YPEL4: variants seen among roughly 807,000 people sequenced by gnomAD.
The protein encoded by YPEL4 is protein yippee-like 4.
A neutral mutation model predicts 16.3 loss-of-function variants in YPEL4; 5 were observed. The ratio of observed to expected loss-of-function variants is 0.31; its 90% CI spans 0.16 to 0.64. The LOEUF (loss-of-function observed/expected upper bound fraction) is 0.64. YPEL4 is among the 30% of genes least tolerant of loss of function. YPEL4 has a pLI of 0.79. For missense variants in YPEL4, 127 were observed against 170.0 expected (o/e 0.75, Z 1.41); for synonymous variants, 61 against 60.7 (o/e 1.00, Z -0.02).
intron 3 of YPEL4, 125 bp from the exon 4 acceptor site, chr11:57,646,530 C>T (rs1334266104): frequency 1.6e-6 from 2 of 1,238,736 alleles, no homozygotes; most frequent in African/African-American, 3.0e-5. Flanking sequence ...ATAATCCACC[C>T]CTTTAAGACT....
At position 57,647,021 on chromosome 11, in the gene YPEL4, G is replaced by GT; in HGVS notation, c.86dup (p.Tyr29Ter). The change falls in exon 2 of 5, where the codon TAC becomes TAAC. Residue 29 changes from tyrosine (Y) to a stop codon, truncating the protein, a stop_gained and frameshift_variant. Coordinates refer to ENST00000300022, the MANE Select transcript of YPEL4 (RefSeq NM_145008.3). LOFTEE classifies it high-confidence loss of function. The surrounding 1 kb of genome is among the most constrained non-coding windows in gnomAD (Gnocchi z 4.2). ...RSYLPRCHRT[Y>*]SCVHCRAHLA... ...GGTGTGCACGGCAGTGGACACAGCT[G>GT]TAAGTGCGGTGACAGCGGGGCAGAT... is the stretch of plus-strand genomic sequence containing the variant. 6.3e-7 allele frequency: 1 copy of GT among 1,599,496 alleles called. No homozygotes were observed. Among genetic ancestry groups the GT allele is most frequent in the Non-Finnish European group, 8.5e-7 (1 of 1,174,186 alleles).
chr11:57,649,284 G>C (rs1358410368), intron 1 of YPEL4: 2 of 139,482 alleles, frequency 1.4e-5, no homozygotes, highest in African/African-American at 2.6e-5. Context: ...CTTCTCAGGG[G>C]GGAAAAGAAA....
intron 2 of YPEL4, 36 bp downstream of exon 2, chr11:57,646,931 G>C (rs1286920247): frequency 2.5e-6 from 4 of 1,570,368 alleles, no homozygotes; most frequent in Non-Finnish European, 3.5e-6. Context: ...CCTGGTGCGC[G>C]AGAGGAGGGG....
intron 4 of YPEL4, 110 bp downstream of exon 4, chr11:57,646,187 C>T (rs1370710831): frequency 6.6e-7 from 1 of 1,523,254 alleles, no homozygotes; most frequent in East Asian, 2.2e-5. Context: ...GTGACTAGTT[C>T]TTTCTTTCCT....
At position 57,646,812 on chromosome 11, in the gene YPEL4, A is replaced by G. The variant is rs367803621; in HGVS notation, c.142-18T>C. 9.9e-6 allele frequency: 16 copies of G among 1,613,764 alleles called. No homozygotes were observed. The African/African-American group carries it at 1.3e-4, about 13-fold the overall frequency. ...TGGAAGGACTGTGGAGACATAGGAC[A>G]GACAATGACTACCAAGCAGCCTTCA... On this transcript the variant is annotated intron_variant, in intron 2 of 4. Transcript: ENST00000300022.
chr11:57,646,116 C>G, intron 4 of YPEL4, 46 bp from the exon 5 acceptor site: 3 of 1,608,558 alleles, frequency 1.9e-6, no homozygotes, highest in Non-Finnish European at 2.6e-6. Flanking sequence ...CAGTTTCCTT[C>G]CAGGCCCCAC....
At chr11:57,646,913 C>G in intron 2 of YPEL4, 54 bp downstream of exon 2, 1 of 1,578,152 alleles carries the variant, frequency 6.3e-7, no homozygotes. Flanking sequence ...GGGTGATGTT[C>G]AGGCTAGCCT....
At chr11:57,648,944 AGCTC>A in intron 1 of YPEL4, 1 of 152,206 alleles carries the variant, frequency 6.6e-6, no homozygotes, top group Non-Finnish European at 1.5e-5. Context: ...CCCAATCCTG[AGCTC>A]CTTCTCCAGC....
rs1945731910 is a variant in YPEL4 at position 57,646,509 on chromosome 11, C to G, written c.186-104G>C. 4.0e-5 allele frequency: 55 copies of G among 1,379,164 alleles called. No homozygotes were observed. In the South Asian group the frequency reaches 6.7e-4, roughly 17 times the overall value. 85.4% of individuals were successfully genotyped at this position (1,379,164 alleles called of 1,614,324 possible). On this transcript the variant is annotated intron_variant, in intron 3 of 4. Transcript: ENST00000300022. ...TTCCATCTGGAGAGAACTGGACAGC[C>G]CCTGCCTTTGATAATCCACCCCTTT...
intron 2 of YPEL4, 38 bp from the exon 3 acceptor site, chr11:57,646,832 C>T: frequency 6.2e-7 from 1 of 1,612,572 alleles, no homozygotes; most frequent in Non-Finnish European, 8.5e-7. Flanking sequence ...TACCAAGCAG[C>T]CTTCAGCCCC....
At position 57,646,570 on chromosome 11, in the gene YPEL4, T is replaced by C. The variant is rs1048310221; in HGVS notation, c.186-165A>G. 57 of 1,207,580 alleles carry C rather than the reference T, an allele frequency of 4.7e-5. 1 individual carries two copies. The Admixed American group carries it at 1.1e-3, about 23-fold the overall frequency. 74.8% of individuals were successfully genotyped at this position (1,207,580 alleles called of 1,614,324 possible). On this transcript the variant is annotated intron_variant, in intron 3 of 4. Transcript: ENST00000300022. Reference sequence around the variant, plus strand: ...CCTGGGCCTTCTTTTTCCACCGTTATGATTTCAATTCTCCCCCGGCTCCCC... The same window carrying C: ...CCTGGGCCTTCTTTTTCCACCGTTACGATTTCAATTCTCCCCCGGCTCCCC...
intron 3 of YPEL4, 163 bp downstream of exon 3, chr11:57,646,588 G>C (rs1443000072): frequency 8.1e-7 from 1 of 1,236,568 alleles, no homozygotes; most frequent in African/African-American, 1.5e-5. Flanking sequence ...ATTCTCCCCC[G>C]GCTCCCCATG....
chr11:57,647,334 G>C lies in YPEL4; in HGVS notation c.-184-43C>G. On this transcript the variant is annotated intron_variant, in intron 1 of 4. Transcript: ENST00000300022. This position sits in a 1 kb window ranked among gnomAD's most constrained non-coding sequence, Gnocchi z 4.2. ...GACATCAGGGGAGCTGCGACCTCAGGAGGACCCCTCCTGAGGGAATGGAGG... is the reference window on the plus strand; with the variant it reads ...GACATCAGGGGAGCTGCGACCTCAGCAGGACCCCTCCTGAGGGAATGGAGG... 2.0e-6 allele frequency: 1 copy of C among 508,188 alleles called. No homozygotes were observed. Among genetic ancestry groups the C allele is most frequent in the South Asian group, 3.7e-5 (1 of 27,326 alleles). The allele number at this position is 508,188 out of a possible 1,614,324, so 31.5% of individuals were successfully genotyped here.
chr11:57,645,824 G>A lies in YPEL4; in HGVS notation c.*157C>T, dbSNP rs1945724132. On this transcript the variant is annotated 3_prime_UTR_variant, in exon 5 of 5. Transcript: ENST00000300022. Reference sequence around the variant, plus strand: ...GGTACCCCCAGACCCCTGTTCTAAAGGGTGCCTGGTAGTGGATATGGTGGA... The same window carrying A: ...GGTACCCCCAGACCCCTGTTCTAAAAGGTGCCTGGTAGTGGATATGGTGGA... 1 of 684,084 alleles carries A rather than the reference G, an allele frequency of 1.5e-6. No individual in the cohort carries two copies. The highest frequency in any genetic ancestry group is 2.4e-6 in the Non-Finnish European group (1 of 409,396). The allele number at this position is 684,084 out of a possible 1,614,324, so 42.4% of individuals were successfully genotyped here. A position where few individuals can be genotyped will look rare whatever the true frequency, so the allele number is the denominator to read the frequency against.
Position 57,646,821 on chromosome 11 carries a change from C to T in YPEL4, c.142-27G>A, listed in dbSNP as rs1388543149. The T allele has an allele frequency of 1.9e-6, 3 of 1,613,346 alleles. No individual in the cohort carries two copies. In the African/African-American group the frequency reaches 4.0e-5, roughly 22 times the overall value. On this transcript the variant is annotated intron_variant, in intron 2 of 4. Coordinates refer to ENST00000300022, the MANE Select transcript of YPEL4 (RefSeq NM_145008.3). ...TGTGGAGACATAGGACAGACAATGA[C>T]TACCAAGCAGCCTTCAGCCCCACTG...
chr11:57,646,576 C>G, intron 3 of YPEL4, 171 bp from the exon 4 acceptor site: 1 of 1,221,122 alleles, frequency 8.2e-7, no homozygotes, highest in Admixed American at 2.1e-5. Flanking sequence ...GTTATGATTT[C>G]AATTCTCCCC....
At position 57,647,235 on chromosome 11, in the gene YPEL4, G is replaced by T; in HGVS notation, c.-128C>A. 2 of 1,316,538 alleles carry T rather than the reference G, an allele frequency of 1.5e-6. No homozygotes were observed. The highest frequency in any genetic ancestry group is 1.0e-6 in the Non-Finnish European group (1 of 995,386). The allele number at this position is 1,316,538 out of a possible 1,614,324, so 81.6% of individuals were successfully genotyped here. ...CGTGTTTCAGGGCAGGAGAAGTGTT[G>T]GGGGGCTGCCCGGCCAGGGCCCCCC... is the stretch of plus-strand genomic sequence containing the variant. On this transcript the variant is annotated 5_prime_UTR_variant, in exon 2 of 5. Coordinates refer to ENST00000300022, the MANE Select transcript of YPEL4 (RefSeq NM_145008.3). This position sits in a 1 kb window ranked among gnomAD's most constrained non-coding sequence, Gnocchi z 4.2.
Position 57,647,091 on chromosome 11 carries a change from G to A in YPEL4, c.17C>T (p.Pro6Leu), listed in dbSNP as rs1945740675. Residue 6 changes from proline (P) to leucine (L), a missense_variant, in exon 2 of 5, where the codon CCC becomes CTC. Physicochemically the swap from Pro to Leu is moderately conservative, Grantham distance 98. Transcript: ENST00000300022. The surrounding 1 kb of genome is among the most constrained non-coding windows in gnomAD (Gnocchi z 4.2). ...GGGGAGGCAGGCAGGGCCCGGACCGGGGTCACAGCTGGGCATGACGGGCTG... is the reference window on the plus strand; with the variant it reads ...GGGGAGGCAGGCAGGGCCCGGACCGAGGTCACAGCTGGGCATGACGGGCTG... MPSCD[P>L]GPGPACLPTK... The A allele has an allele frequency of 6.3e-7, 1 of 1,585,742 alleles. No individual in the cohort carries two copies. Among genetic ancestry groups the A allele is most frequent in the African/African-American group, 1.3e-5 (1 of 74,344 alleles).
At chr11:57,648,067 A>C (rs1161030923) in intron 1 of YPEL4, 1 of 152,238 alleles carries the variant, frequency 6.6e-6, no homozygotes, top group Non-Finnish European at 1.5e-5. Flanking sequence ...AGACTTAGGC[A>C]GAAAATACAT....
Sources: allele counts gnomAD v4.1 joint callset, GRCh38; gene constraint gnomAD v4.1.1; non-coding constraint Gnocchi (gnomAD v3.1); transcripts MANE v1.5; gene names NCBI Gene and HGNC (gene_info 2026-07-23, HGNC 2026-07-21).